CIMAP2: variants seen among roughly 807,000 people sequenced by gnomAD.
CIMAP2 encodes ciliary microtubule-associated protein 2.
the CIMAP2 span, chr1:54,806,879 A>G: frequency 1.6e-5 from 15 of 945,772 alleles, no homozygotes; most frequent in South Asian, 2.6e-5. Flanking sequence ...CTTTTCTTTC[A>G]TGAGCTTGCT....
chr1:54,811,773 G>GCCACCACCCCCCCCCCCCCCCC, the CIMAP2 span: 1 of 1,325,052 alleles, frequency 7.5e-7, no homozygotes, highest in Non-Finnish European at 1.0e-6. Flanking sequence ...CAGCCTCCAT[G>GCCACCACCCCCCCCCCCCCCCC]CCCCCACCCC....
At chr1:54,814,797 C>T in the CIMAP2 span, 80 of 1,465,276 alleles carry the variant, frequency 5.5e-5, no homozygotes, top group Non-Finnish European at 7.4e-5. Context: ...GTCCTTGGCT[C>T]AAGACCCAGG....
the CIMAP2 span, chr1:54,814,991 C>T: frequency 1.2e-6 from 2 of 1,614,056 alleles, no homozygotes; most frequent in South Asian, 2.2e-5. Context: ...TCCTGTTGAC[C>T]TCCAAGGGGT....
chr1:54,811,766 C>CGGGGGTGGGGG, the CIMAP2 span: 2 of 1,305,190 alleles, frequency 1.5e-6, no homozygotes, highest in Non-Finnish European at 2.2e-6. Context: ...GTTCTGACAG[C>CGGGGGTGGGGG]CTCCATGCCC....
the CIMAP2 span, chr1:54,811,765 G>GCCGGGGGGGGGCGCCCCCCCCCCC: frequency 1.5e-6 from 2 of 1,301,318 alleles, no homozygotes; most frequent in Non-Finnish European, 2.2e-6. Context: ...GGTTCTGACA[G>GCCGGGGGGGGGCGCCCCCCCCCCC]CCTCCATGCC....
chr1:54,832,415 T>TACA, the CIMAP2 span, among the ~76,000 whole-genome samples: 1 of 152,180 alleles, frequency 6.6e-6, no homozygotes, highest in Non-Finnish European at 1.5e-5. Context: ...GTAAACATAA[T>TACA]ACAACAAAAC....
At chr1:54,839,224 G>A in the CIMAP2 span, among the ~76,000 whole-genome samples, 3 of 152,106 alleles carry the variant, frequency 2.0e-5, no homozygotes, top group African/African-American at 7.3e-5. Flanking sequence ...CCCATTTTGA[G>A]TGATGTGTGG....
chr1:54,837,512 A>G, the CIMAP2 span, among the ~76,000 whole-genome samples: 1 of 152,196 alleles, frequency 6.6e-6, no homozygotes, highest in South Asian at 2.1e-4. Context: ...CTCCTTCCCC[A>G]TAGCCCAGCA....
chr1:54,829,197 T>A, the CIMAP2 span, among the ~76,000 whole-genome samples: 17 of 152,192 alleles, frequency 1.1e-4, no homozygotes, highest in Admixed American at 3.9e-4. Context: ...GGACAAGAGC[T>A]CTTGAGATAA....
chr1:54,837,366 G>A, the CIMAP2 span, among the ~76,000 whole-genome samples: 1 of 152,078 alleles, frequency 6.6e-6, no homozygotes, highest in African/African-American at 2.4e-5. Context: ...GAAGATGCAG[G>A]TTAAAGTCTC....
the CIMAP2 span, chr1:54,812,281 A>T: frequency 3.2e-6 from 5 of 1,544,252 alleles, no homozygotes; most frequent in Non-Finnish European, 4.4e-6. Flanking sequence ...CCTGTGTGCC[A>T]GGCTCTGCAC....
chr1:54,827,064 CTT>C, the CIMAP2 span, among the ~76,000 whole-genome samples: 1 of 152,218 alleles, frequency 6.6e-6, no homozygotes, highest in African/African-American at 2.4e-5. Flanking sequence ...AAATGAAACA[CTT>C]TTTGGGTGCA....
the CIMAP2 span, chr1:54,811,765 G>GCCGGCCGGGGCCCCCCCCCC: frequency 7.7e-7 from 1 of 1,301,332 alleles, no homozygotes; most frequent in Non-Finnish European, 1.1e-6. Flanking sequence ...GGTTCTGACA[G>GCCGGCCGGGGCCCCCCCCCC]CCTCCATGCC....
At chr1:54,811,773 G>GCCTCCC in the CIMAP2 span, 1 of 1,325,052 alleles carries the variant, frequency 7.5e-7, no homozygotes. Flanking sequence ...CAGCCTCCAT[G>GCCTCCC]CCCCCACCCC....
At chr1:54,833,690 T>C in the CIMAP2 span, among the ~76,000 whole-genome samples, 5 of 152,310 alleles carry the variant, frequency 3.3e-5, no homozygotes, top group African/African-American at 1.2e-4. Context: ...TAGCCAACTT[T>C]CTAGATCTTC....
At chr1:54,811,773 G>GGCCCCCCCCCCCCCCCCCCCCCC in the CIMAP2 span, 1 of 1,325,052 alleles carries the variant, frequency 7.5e-7, no homozygotes, top group Non-Finnish European at 1.0e-6. Context: ...CAGCCTCCAT[G>GGCCCCCCCCCCCCCCCCCCCCCC]CCCCCACCCC....
chr1:54,807,580 A>C, the CIMAP2 span: 3 of 1,604,558 alleles, frequency 1.9e-6, no homozygotes, highest in Non-Finnish European at 8.5e-7. Flanking sequence ...CAGCAAGAAG[A>C]AGCTGATGAA....
chr1:54,829,802 T>A, the CIMAP2 span, among the ~76,000 whole-genome samples: 1 of 152,244 alleles, frequency 6.6e-6, no homozygotes, highest in Non-Finnish European at 1.5e-5. Flanking sequence ...AAGACAAATA[T>A]CTTCAAAAGA....
the CIMAP2 span, chr1:54,811,766 C>CCGGG: frequency 1.2e-5 from 16 of 1,305,164 alleles, no homozygotes; most frequent in East Asian, 2.5e-5. Context: ...GTTCTGACAG[C>CCGGG]CTCCATGCCC....
Sources: allele counts gnomAD v4.1 joint callset (sites outside exome capture counted in the v4.1 genomes callset), GRCh38; gene constraint gnomAD v4.1.1; transcripts MANE v1.5; gene names NCBI Gene and HGNC (gene_info 2026-07-23, HGNC 2026-07-21).